PTPN12: variants seen among roughly 807,000 people sequenced by gnomAD.
PTPN12 encodes protein tyrosine phosphatase non-receptor type 12.
PTPN12 carries 29 observed loss-of-function variants against 97.6 expected under a neutral mutation model. That is an observed-to-expected ratio of 0.30 (90% confidence interval 0.22 to 0.41). PTPN12 has a LOEUF of 0.41. PTPN12 is among the 10% of genes least tolerant of loss of function. The pLI, the probability that PTPN12 is intolerant of heterozygous loss-of-function variation, is 1.00. For synonymous variants in PTPN12, 327 were observed against 300.4 expected, an observed-to-expected ratio of 1.09 and a Z score of -0.91; for missense variants, 819 against 926.0, an observed-to-expected ratio of 0.88 and a Z score of 1.50.
rs2151417118 is a variant in PTPN12 at position 77,639,789 on chromosome 7, A to C, written c.*509A>C. The C allele has an allele frequency of 6.5e-6, 1 of 152,916 alleles. No individual in the cohort carries two copies. Among genetic ancestry groups the C allele is most frequent in the East Asian group, 1.9e-4 (1 of 5,194 alleles). 9.5% of individuals were successfully genotyped at this position (152,916 alleles called of 1,614,324 possible). ...TTAAACTTGCTGGATTCATGCAGCCAGCTTTGCAGGTTATCAGAGATCAAA... is the reference window on the plus strand; with the variant it reads ...TTAAACTTGCTGGATTCATGCAGCCCGCTTTGCAGGTTATCAGAGATCAAA... On this transcript the variant is annotated 3_prime_UTR_variant, in exon 18 of 18. Coordinates refer to ENST00000248594, the MANE Select transcript of PTPN12 (RefSeq NM_002835.4).
At chr7:77,599,315 G>A (rs899430745) in intron 7 of PTPN12, among the ~76,000 whole-genome samples, 4 of 109,782 alleles carry the variant, frequency 3.6e-5, no homozygotes, top group Admixed American at 1.2e-4. Context: ...ACAGCGCCCC[G>A]ACTTTTTTTT....
chr7:77,621,763 A>G (rs28850976), intron 12 of PTPN12, among the ~76,000 whole-genome samples: 21,581 of 152,196 alleles, frequency 0.14, 1,629 homozygotes, highest in African/African-American at 0.19. Context: ...GTGCTTTTAT[A>G]TGACTGACAG....
In PTPN12 at chr7:77,610,777, G is replaced by T; in HGVS notation, c.775G>T (p.Glu259Ter). ...TTTTCTGTTTTAGAAAATACCAGAGGAATTTAATGTATTTAATTTAATACA... is the reference window on the plus strand; with the variant it reads ...TTTTCTGTTTTAGAAAATACCAGAGTAATTTAATGTATTTAATTTAATACA... ...NLLKAGKIPE[E>*]FNVFNLIQEM... Residue 259 changes from glutamate to a stop codon, truncating the protein, a stop_gained, in exon 10 of 18, where the codon GAA (glutamate) becomes TAA (stop). Transcript: ENST00000248594. LOFTEE classifies it high-confidence loss of function. The T allele has an allele frequency of 6.2e-7, 1 of 1,603,530 alleles. No homozygotes were observed. The highest frequency in any genetic ancestry group is 1.1e-5 in the South Asian group (1 of 89,502).
intron 1 of PTPN12, among the ~76,000 whole-genome samples, chr7:77,544,065 G>A (rs1807111925): frequency 6.6e-6 from 1 of 152,198 alleles, no homozygotes; most frequent in Non-Finnish European, 1.5e-5. Context: ...GTAACACTAT[G>A]TTTAACATTT....
chr7:77,603,756 T>C (rs1788260742), intron 8 of PTPN12, among the ~76,000 whole-genome samples: 1 of 152,198 alleles, frequency 6.6e-6, no homozygotes, highest in East Asian at 1.9e-4. Flanking sequence ...ACTTTTAAAG[T>C]ATTTTAATGA....
rs764659934 is a variant in PTPN12 at position 77,537,546 on chromosome 7, G to A, written c.-1G>A. The A allele has an allele frequency of 2.5e-6, 4 of 1,592,598 alleles. No individual in the cohort carries two copies. In the African/African-American group the frequency reaches 4.1e-5, roughly 16 times the overall value. On this transcript the variant is annotated 5_prime_UTR_variant, in exon 1 of 18. Transcript: ENST00000248594. ...GACCGCAGCCGGGGGGACGCGGGAGGATGGAGCAAGTGGAGATCCTGAGGA... is the reference window on the plus strand; with the variant it reads ...GACCGCAGCCGGGGGGACGCGGGAGAATGGAGCAAGTGGAGATCCTGAGGA...
intron 14 of PTPN12, among the ~76,000 whole-genome samples, chr7:77,635,528 A>G (rs879088436): frequency 2.0e-5 from 3 of 152,222 alleles, no homozygotes; most frequent in Non-Finnish European, 4.4e-5. Flanking sequence ...CACATTATCT[A>G]TAGACTGTAA....
At chr7:77,556,049 GTGTTTGTTTGTT>G (rs56329736) in intron 1 of PTPN12, among the ~76,000 whole-genome samples, 103,294 of 151,554 alleles carry the variant, frequency 0.68, 36,291 homozygotes, top group East Asian at 0.9. Context: ...TAATCATAGG[GTGTTTGTTTGTT>G]TGTTTGTTTG....
At position 77,573,082 on chromosome 7, in the gene PTPN12, C is replaced by CAAAA. The variant is rs1219989240; in HGVS notation, c.208+1907_208+1910dup. Among the ~76,000 whole-genome samples the CAAAA allele has an allele frequency of 8.0e-4, 29 of 36,384 alleles. 3 individuals carry two copies. The highest frequency in any genetic ancestry group is 5.4e-3 in the South Asian group (5 of 934). The allele number at this position is 36,384 out of a possible 152,430, so 23.9% of individuals were successfully genotyped here. A position where few individuals can be genotyped will look rare whatever the true frequency, so the allele number is the denominator to read the frequency against. ...TGGGCGACAGAGTAAGACTCTATCT[C>CAAAA]AAAAAAAAAAAAAACAAAAAAACAA... On this transcript the variant is annotated intron_variant, in intron 2 of 17. Transcript: ENST00000248594.
At chr7:77,556,849 C>G (rs1160395776) in intron 1 of PTPN12, among the ~76,000 whole-genome samples, 2 of 151,754 alleles carry the variant, frequency 1.3e-5, no homozygotes, top group Non-Finnish European at 2.9e-5. Flanking sequence ...AATAAAAATA[C>G]AAAAAAAGGG....
intron 2 of PTPN12, among the ~76,000 whole-genome samples, chr7:77,573,090 A>AAAAAAC (rs1787207424): frequency 1.7e-5 from 2 of 118,768 alleles, no homozygotes; most frequent in African/African-American, 6.8e-5. Context: ...CTCAAAAAAA[A>AAAAAAC]AAAAAACAAA....
At chr7:77,566,902 T>C (rs1808287499) in intron 1 of PTPN12, among the ~76,000 whole-genome samples, 1 of 152,120 alleles carries the variant, frequency 6.6e-6, no homozygotes, top group Non-Finnish European at 1.5e-5. Context: ...AAAAATTCTT[T>C]CTTGCTTTAG....
intron 5 of PTPN12, among the ~76,000 whole-genome samples, chr7:77,585,943 C>A (rs1352682224): frequency 6.6e-6 from 1 of 152,024 alleles, no homozygotes; most frequent in Non-Finnish European, 1.5e-5. Context: ...TAAAACACTT[C>A]ATGCCTTATT....
At chr7:77,613,611 T>G (rs1262408322) in intron 11 of PTPN12, among the ~76,000 whole-genome samples, 1 of 151,916 alleles carries the variant, frequency 6.6e-6, no homozygotes, top group African/African-American at 2.4e-5. Flanking sequence ...CCCAGCACTT[T>G]GGGAGGCCGA....
At chr7:77,629,165 G>T (rs962474483) in intron 13 of PTPN12, among the ~76,000 whole-genome samples, 12 of 151,276 alleles carry the variant, frequency 7.9e-5, no homozygotes, top group African/African-American at 2.4e-4. Context: ...TAGCCAGGAT[G>T]GTCTGGATCT....
chr7:77,605,409 G>GTTTGTTTTTTTT (rs1554321238), intron 8 of PTPN12, among the ~76,000 whole-genome samples: 2 of 95,560 alleles, frequency 2.1e-5, no homozygotes, highest in African/African-American at 8.3e-5. Flanking sequence ...TTTGTCATGA[G>GTTTGTTTTTTTT]TTTTTTTTTT....
chr7:77,633,198 A>G (rs1789465264), intron 14 of PTPN12, among the ~76,000 whole-genome samples: 1 of 150,478 alleles, frequency 6.6e-6, no homozygotes, highest in Non-Finnish European at 1.5e-5. Flanking sequence ...TGAACCTGGG[A>G]GGTGGATATT....
chr7:77,550,936 A>G (rs1283984755), intron 1 of PTPN12, among the ~76,000 whole-genome samples: 1 of 146,572 alleles, frequency 6.8e-6, no homozygotes, highest in Admixed American at 7.0e-5. Context: ...CTCTTGGTAG[A>G]TTGCTTTGAT....
At chr7:77,595,091 G>T (rs1489921972) in intron 6 of PTPN12, among the ~76,000 whole-genome samples, 2 of 152,108 alleles carry the variant, frequency 1.3e-5, no homozygotes, top group Non-Finnish European at 2.9e-5. Flanking sequence ...AAAGAAAACA[G>T]ATAACTTGAA....
Sources: gnomAD v4.1 joint callset for allele counts (sites outside exome capture counted in the v4.1 genomes callset) on GRCh38, gnomAD v4.1.1 for gene constraint, MANE v1.5 for transcripts, NCBI Gene and HGNC (gene_info 2026-07-23, HGNC 2026-07-21) for gene names.